The following NACC1 variants were observed in gnomAD, a reference collection of about 807,000 sequenced individuals.
The protein encoded by NACC1 is nucleus accumbens-associated protein 1.
In NACC1, 6 loss-of-function variants were observed where a neutral mutation model predicts 41.7. The observed-to-expected ratio is 0.14, with a 90% CI of 0.08 to 0.28. NACC1 has a LOEUF of 0.28. Among genes scored for constraint, NACC1 ranks in the 10% least tolerant of loss-of-function variants. The probability of loss-of-function intolerance (pLI) is 1.00; values close to 1 mark genes in which losing one functional copy is unlikely to be tolerated. For synonymous variants in NACC1, 338 were observed against 330.6 expected, an observed-to-expected ratio of 1.02 and a Z score of -0.24; for missense variants, 434 against 763.7, an observed-to-expected ratio of 0.57 and a Z score of 5.09.
chr19:13,120,554 G>T (rs988428161), intron 1 of NACC1, among the ~76,000 whole-genome samples: 15 of 152,212 alleles, frequency 9.9e-5, no homozygotes, highest in Non-Finnish European at 1.9e-4. Context: ...CCTGGGCCCT[G>T]CCCTTCTTGC....
chr19:13,120,486 G>A (rs1285185270), intron 1 of NACC1, among the ~76,000 whole-genome samples: 2 of 152,222 alleles, frequency 1.3e-5, no homozygotes, highest in Non-Finnish European at 2.9e-5. Flanking sequence ...TGGGTTTAAT[G>A]ATGGGTTGTC....
chr19:13,140,212 T>G lies in NACC1; in HGVS notation c.*1806T>G, dbSNP rs1263890531. On this transcript the variant is annotated 3_prime_UTR_variant, in exon 6 of 6. Transcript: ENST00000292431. The surrounding 1 kb of genome is among the most constrained non-coding windows in gnomAD (Gnocchi z 4.0). ...GCCCCCAGCCGGCCTGAGTGGGGGA[T>G]ATTGACACCCCCAGCTAAAGCACAA... is the stretch of plus-strand genomic sequence containing the variant. The G allele has an allele frequency of 6.6e-6, 1 of 152,610 alleles. No individual in the cohort carries two copies. Among genetic ancestry groups the G allele is most frequent in the Non-Finnish European group, 1.5e-5 (1 of 68,080 alleles). 9.5% of individuals were successfully genotyped at this position (152,610 alleles called of 1,614,324 possible). A position where few individuals can be genotyped will look rare whatever the true frequency, so the allele number is the denominator to read the frequency against.
At chr19:13,130,394 T>G (rs1021613183) in intron 1 of NACC1, among the ~76,000 whole-genome samples, 1 of 151,404 alleles carries the variant, frequency 6.6e-6, no homozygotes, top group Non-Finnish European at 1.5e-5. Context: ...CACTGTTCTT[T>G]AACACATTTA....
intron 1 of NACC1, among the ~76,000 whole-genome samples, chr19:13,129,087 ATCT>A (rs2019599279): frequency 6.6e-6 from 1 of 152,154 alleles, no homozygotes; most frequent in Admixed American, 6.5e-5. Context: ...GGAGAGGGAC[ATCT>A]TCTCTAGCCT....
intron 1 of NACC1, among the ~76,000 whole-genome samples, chr19:13,126,168 C>T (rs992335459): frequency 6.6e-6 from 1 of 151,980 alleles, no homozygotes; most frequent in African/African-American, 2.4e-5. Flanking sequence ...CTCAGCCTCC[C>T]GAGTAGCTGG....
At position 13,137,176 on chromosome 19, in the gene NACC1, G is replaced by T. The variant is rs577291108; in HGVS notation, c.1121-95G>T. 6.6e-4 allele frequency: 787 copies of T among 1,194,802 alleles called. 8 individuals are homozygous for T. Among genetic ancestry groups the T allele is most frequent in the South Asian group, 7.4e-4 (57 of 77,078 alleles). 74.0% of individuals were successfully genotyped at this position (1,194,802 alleles called of 1,614,324 possible). A position where few individuals can be genotyped will look rare whatever the true frequency, so the allele number is the denominator to read the frequency against. On this transcript the variant is annotated intron_variant, in intron 3 of 5. Coordinates refer to ENST00000292431, the MANE Select transcript of NACC1 (RefSeq NM_052876.4). This position sits in a 1 kb window ranked among gnomAD's most constrained non-coding sequence, Gnocchi z 6.1. ...TTTCTTGGGACCCAGAGCCCAGCAG[G>T]GAGGGCCTGGGGTGTTCTGAGATGA... is the stretch of plus-strand genomic sequence containing the variant.
chr19:13,122,666 T>C (rs975052819), intron 1 of NACC1, among the ~76,000 whole-genome samples: 1 of 152,056 alleles, frequency 6.6e-6, no homozygotes, highest in Non-Finnish European at 1.5e-5. Flanking sequence ...CTCCACTGTC[T>C]GGTTATCATG....
rs1238540844 is a variant in NACC1, at chr19:13,138,104, C to T, written c.1325-43C>T. Reference sequence around the variant, plus strand: ...GCTGGTGAGTAGGCCTTGTGGGAGTCACCTGGCCCCCGTGCCAAGGCCGCA... The same window carrying T: ...GCTGGTGAGTAGGCCTTGTGGGAGTTACCTGGCCCCCGTGCCAAGGCCGCA... On this transcript the variant is annotated intron_variant, in intron 5 of 5. Transcript: ENST00000292431. This position sits in a 1 kb window ranked among gnomAD's most constrained non-coding sequence, Gnocchi z 5.7. 1 of 1,601,434 alleles carries T rather than the reference C, an allele frequency of 6.2e-7. No homozygotes were observed. Among genetic ancestry groups the T allele is most frequent in the Non-Finnish European group, 8.5e-7 (1 of 1,172,018 alleles).
At chr19:13,130,461 C>T (rs964655787) in intron 1 of NACC1, among the ~76,000 whole-genome samples, 1 of 152,046 alleles carries the variant, frequency 6.6e-6, no homozygotes, top group Non-Finnish European at 1.5e-5. Flanking sequence ...ATAAAACCAG[C>T]CAGAATGTTT....
In NACC1 at chr19:13,136,307, C is replaced by T. The variant is rs769512409; in HGVS notation, c.1022C>T (p.Ala341Val). The T allele has an allele frequency of 1.9e-6, 3 of 1,614,100 alleles. No homozygotes were observed. The highest frequency in any genetic ancestry group is 1.7e-5 in the Admixed American group (1 of 60,012). The change falls in exon 3 of 6, where the codon GCG becomes GTG. Residue 341 changes from alanine (A) to valine (V), a missense_variant. Around this residue, in one of 4 missense-constraint regions of NACC1, gnomAD observed 234 missense variants for 308.3 expected, o/e 0.76. Coordinates refer to ENST00000292431, the MANE Select transcript of NACC1 (RefSeq NM_052876.4). This position sits in a 1 kb window ranked among gnomAD's most constrained non-coding sequence, Gnocchi z 5.5. ...CGCATCCGGGTTCGGCAAGACCTGG[C>T]GTCTCTCCCGGCTGAACTTATCAAC... is the stretch of plus-strand genomic sequence containing the variant. ...RNRIRVRQDL[A>V]SLPAELINQI...
intron 1 of NACC1, among the ~76,000 whole-genome samples, chr19:13,130,787 C>T (rs1161648267): frequency 6.6e-6 from 1 of 152,174 alleles, no homozygotes. Flanking sequence ...CTGCCCGCCT[C>T]AGCCTCCCAA....
intron 1 of NACC1, among the ~76,000 whole-genome samples, chr19:13,119,037 T>G (rs1404258187): frequency 7.0e-6 from 1 of 143,422 alleles, no homozygotes; most frequent in African/African-American, 2.6e-5. Flanking sequence ...CCCAGAGATG[T>G]TTTCCGGGGG....
Position 13,138,088 on chromosome 19 carries a change from T to C in NACC1, c.1325-59T>C. ...CAGATGCTGTAGGGGAGCTGGTGAG[T>C]AGGCCTTGTGGGAGTCACCTGGCCC... is the stretch of plus-strand genomic sequence containing the variant. On this transcript the variant is annotated intron_variant, in intron 5 of 5. Coordinates refer to ENST00000292431, the MANE Select transcript of NACC1 (RefSeq NM_052876.4). This position sits in a 1 kb window ranked among gnomAD's most constrained non-coding sequence, Gnocchi z 5.7. 1.3e-6 allele frequency: 2 copies of C among 1,589,576 alleles called. No homozygotes were observed. Among genetic ancestry groups the C allele is most frequent in the South Asian group, 2.3e-5 (2 of 87,846 alleles).
chr19:13,136,065 G>T lies in NACC1; in HGVS notation c.858G>T (p.Glu286Asp). The T allele has an allele frequency of 6.2e-7, 1 of 1,614,178 alleles. No homozygotes were observed. Among genetic ancestry groups the T allele is most frequent in the Non-Finnish European group, 8.5e-7 (1 of 1,180,026 alleles). ...ACCACAATGAGGAGGACGAGGAGGAGGATGGTGGCGAGGAGGGCATGGATG... is the reference window on the plus strand; with the variant it reads ...ACCACAATGAGGAGGACGAGGAGGATGATGGTGGCGAGGAGGGCATGGATG... Reference protein sequence around the residue: ...GSYHNEEDEEEDGGEEGMDEQ... With the variant: ...GSYHNEEDEEDDGGEEGMDEQ... The change falls in exon 2 of 6, where the codon GAG (glutamate) becomes GAT (aspartate). Residue 286 changes from glutamate (E) to aspartate (D), a missense_variant. By Grantham distance (45) the Glu-to-Asp change is conservative. Coordinates refer to ENST00000292431, the MANE Select transcript of NACC1 (RefSeq NM_052876.4). The surrounding 1 kb of genome is among the most constrained non-coding windows in gnomAD (Gnocchi z 5.5).
chr19:13,134,928 C>T (rs2019679970), intron 1 of NACC1, among the ~76,000 whole-genome samples: 1 of 152,224 alleles, frequency 6.6e-6, no homozygotes, highest in African/African-American at 2.4e-5. Flanking sequence ...ATAAGTATGC[C>T]TTTGCCCCCT....
intron 1 of NACC1, among the ~76,000 whole-genome samples, chr19:13,125,469 G>A (rs1293541292): frequency 6.8e-6 from 1 of 148,094 alleles, no homozygotes; most frequent in Non-Finnish European, 1.5e-5. Context: ...TGCCCAGGCT[G>A]GAGTGCAGTG....
At chr19:13,126,295 CCCT>C (rs2019560994) in intron 1 of NACC1, among the ~76,000 whole-genome samples, 1 of 152,166 alleles carries the variant, frequency 6.6e-6, no homozygotes, top group Non-Finnish European at 1.5e-5. Flanking sequence ...TCGTGATCCG[CCCT>C]CCTCAGCCTC....
chr19:13,121,064 C>T (rs778746519), intron 1 of NACC1, among the ~76,000 whole-genome samples: 63 of 152,324 alleles, frequency 4.1e-4, no homozygotes, highest in Non-Finnish European at 6.3e-4. Flanking sequence ...ATTTCACATA[C>T]TTCTGTGTTT....
At position 13,138,280 on chromosome 19, in the gene NACC1, T is replaced by C; in HGVS notation, c.1458T>C (p.Asp486=). 1 of 1,614,214 alleles carries C rather than the reference T, an allele frequency of 6.2e-7. No individual in the cohort carries two copies. The highest frequency in any genetic ancestry group is 8.5e-7 in the Non-Finnish European group (1 of 1,180,026). ...MPKVKVLKAE[D]DAYTTFISET... is the part of the protein sequence containing the mutation. Reference sequence around the variant, plus strand: ...AGGTCAAGGTGCTCAAGGCTGAGGATGACGCCTACACCACCTTCATCAGTG... The same window carrying C: ...AGGTCAAGGTGCTCAAGGCTGAGGACGACGCCTACACCACCTTCATCAGTG... The change falls in exon 6 of 6, where the codon GAT becomes GAC. Residue 486 remains aspartate (D), a synonymous_variant. Transcript: ENST00000292431. This position sits in a 1 kb window ranked among gnomAD's most constrained non-coding sequence, Gnocchi z 5.7.
Sources: allele counts gnomAD v4.1 joint callset (sites outside exome capture counted in the v4.1 genomes callset), GRCh38; gene constraint gnomAD v4.1.1; regional missense constraint gnomAD v4.1.1; non-coding constraint Gnocchi (gnomAD v3.1); transcripts MANE v1.5; gene names NCBI Gene and HGNC (gene_info 2026-07-23, HGNC 2026-07-21).